The following CSMD1 variants were observed in gnomAD, a reference collection of about 807,000 sequenced individuals.
CSMD1 encodes the protein CUB and sushi domain-containing protein 1.
Under a neutral mutation model 417.5 loss-of-function variants are expected in CSMD1, and 213 were observed. That is an observed-to-expected ratio of 0.51 (90% CI 0.46 to 0.57). The LOEUF (loss-of-function observed/expected upper bound fraction) is 0.57, where lower values mean the gene tolerates loss of function less well. Ranked by LOEUF, CSMD1 falls within the 20% of genes least tolerant of loss-of-function variation. CSMD1 has a pLI of 0.00. For synonymous variants in CSMD1, 2,862 were observed against 1,736.8 expected, an observed-to-expected ratio of 1.65 and a Z score of -16.11; for missense variants, 6,923 against 4,529.7, an observed-to-expected ratio of 1.53 and a Z score of -15.17.
At chr8:3,864,525 T>G (rs1029068172) in intron 5 of CSMD1, among the ~76,000 whole-genome samples, 1 of 152,180 alleles carries the variant, frequency 6.6e-6, no homozygotes, top group African/African-American at 2.4e-5. Context: ...CGTGCAGGTT[T>G]GTTACATATG....
At chr8:3,100,362 G>C (rs921725572) in intron 46 of CSMD1, among the ~76,000 whole-genome samples, 1 of 152,210 alleles carries the variant, frequency 6.6e-6, no homozygotes, top group African/African-American at 2.4e-5. Context: ...ATGAGCGAAA[G>C]TGATTTGTTT....
intron 2 of CSMD1, among the ~76,000 whole-genome samples, chr8:4,577,786 G>T (rs59222770): frequency 1.3e-5 from 2 of 152,128 alleles, no homozygotes; most frequent in Non-Finnish European, 2.9e-5. Context: ...AGCTCATTGA[G>T]AATAAAAAAG....
At chr8:4,216,116 G>T (rs1391738360) in intron 3 of CSMD1, among the ~76,000 whole-genome samples, 1 of 152,062 alleles carries the variant, frequency 6.6e-6, no homozygotes, top group Non-Finnish European at 1.5e-5. Context: ...TCTCAATCTG[G>T]CTGCCACCTG....
rs541127422 is a variant in CSMD1, at chr8:4,966,500, C to T, written c.85+27832G>A. Among the ~76,000 whole-genome samples the T allele has an allele frequency of 7.2e-5, 11 of 152,254 alleles. No homozygotes were observed. In the East Asian group the frequency reaches 2.1e-3, roughly 29 times the overall value. On this transcript the variant is annotated intron_variant, in intron 1 of 69. Transcript: ENST00000635120. The stretch of plus-strand genomic sequence containing the variant: ...TCTCAATGGGACACATCGCGAGGCC[C>T]TTAAGGGGCTGCAGACATCTGAAAC...
intron 3 of CSMD1, among the ~76,000 whole-genome samples, chr8:4,250,266 C>G (rs1027809608): frequency 7.2e-5 from 11 of 152,170 alleles, no homozygotes; most frequent in African/African-American, 2.7e-4. Context: ...CAAAAAGCCT[C>G]TCTAGTGATA....
chr8:3,714,396 A>G (rs1257892926), intron 6 of CSMD1, among the ~76,000 whole-genome samples: 2 of 150,726 alleles, frequency 1.3e-5, no homozygotes, highest in African/African-American at 2.4e-5. Flanking sequence ...ATTCCATCAT[A>G]TATATTAACT....
At chr8:3,512,744 G>A (rs1315913506) in intron 10 of CSMD1, among the ~76,000 whole-genome samples, 2 of 151,768 alleles carry the variant, frequency 1.3e-5, no homozygotes, top group African/African-American at 4.8e-5. Flanking sequence ...AAGTAGCTGG[G>A]ACTATAGGTG....
intron 42 of CSMD1, chr8:3,113,398 G>A (rs1217190807): frequency 6.6e-6 from 1 of 152,264 alleles, no homozygotes; most frequent in African/African-American, 2.4e-5. Flanking sequence ...GCGTTGCTGG[G>A]CAAGACAGTG....
chr8:4,073,535 G>C (rs1465758660), intron 3 of CSMD1, among the ~76,000 whole-genome samples: 2 of 152,094 alleles, frequency 1.3e-5, no homozygotes, highest in South Asian at 2.1e-4. Context: ...CTTAGTGCCA[G>C]ATGGCATAAA....
chr8:4,373,945 G>T (rs1165691117), intron 3 of CSMD1, among the ~76,000 whole-genome samples: 1 of 152,258 alleles, frequency 6.6e-6, no homozygotes, highest in Non-Finnish European at 1.5e-5. Flanking sequence ...GAAGACTTTA[G>T]TGTCTCTACT....
At chr8:4,540,378 A>G (rs1448607876) in intron 2 of CSMD1, among the ~76,000 whole-genome samples, 2 of 152,150 alleles carry the variant, frequency 1.3e-5, no homozygotes, top group African/African-American at 2.4e-5. Flanking sequence ...AATAAGCATG[A>G]AAATTAAAAA....
intron 3 of CSMD1, among the ~76,000 whole-genome samples, chr8:4,067,888 C>T (rs139425965): frequency 6.6e-6 from 1 of 152,026 alleles, no homozygotes; most frequent in East Asian, 1.9e-4. Flanking sequence ...ACCATCCTGG[C>T]CAACATGATG....
intron 5 of CSMD1, among the ~76,000 whole-genome samples, chr8:3,803,500 G>T: frequency 6.6e-6 from 1 of 152,130 alleles, no homozygotes; most frequent in East Asian, 1.9e-4. Context: ...AACAAGAAGA[G>T]CCCATGCACA....
intron 3 of CSMD1, among the ~76,000 whole-genome samples, chr8:4,257,610 T>A (rs1803553618): frequency 6.6e-6 from 1 of 152,194 alleles, no homozygotes; most frequent in Non-Finnish European, 1.5e-5. Context: ...GAAAATTTGG[T>A]GAAAAGTTTG....
intron 5 of CSMD1, among the ~76,000 whole-genome samples, chr8:3,901,473 A>T (rs2129133824): frequency 6.6e-6 from 1 of 152,338 alleles, no homozygotes; most frequent in African/African-American, 2.4e-5. Flanking sequence ...TCCACTTGAT[A>T]GATCTCACAC....
chr8:4,626,897 T>C (rs1044813279), intron 2 of CSMD1, among the ~76,000 whole-genome samples: 10 of 152,176 alleles, frequency 6.6e-5, no homozygotes, highest in Non-Finnish European at 1.2e-4. Context: ...CCTTTTCGAT[T>C]CTTTATTATT....
In CSMD1 at chr8:3,625,881, A is replaced by T. The variant is rs1760080016; in HGVS notation, c.1010-9084T>A. On this transcript the variant is annotated intron_variant, in intron 7 of 69. Coordinates refer to ENST00000635120, the MANE Select transcript of CSMD1 (RefSeq NM_033225.6). ...TTTCATAAGGGCTCAGATATTAACA[A>T]TTATCTTTCCAACTGATATATCACG... 3.3e-5 allele frequency among the ~76,000 whole-genome samples: 5 copies of T among 152,318 alleles called. No homozygotes were observed. In the South Asian group the frequency reaches 1.0e-3, roughly 32 times the overall value.
chr8:3,565,131 C>CAAAAAAAAAAAAAAAAAAAAAAAAA (rs869248314), intron 10 of CSMD1, among the ~76,000 whole-genome samples: 4 of 10,448 alleles, frequency 3.8e-4, no homozygotes, highest in South Asian at 7.2e-3. Flanking sequence ...TGCAAGACAG[C>CAAAAAAAAAAAAAAAAAAAAAAAAA]AAAAAAAAAA....
At chr8:4,371,501 G>T (rs1802394829) in intron 3 of CSMD1, among the ~76,000 whole-genome samples, 2 of 152,170 alleles carry the variant, frequency 1.3e-5, no homozygotes, top group African/African-American at 2.4e-5. Context: ...TTCAATATTA[G>T]ATATGGGATA....
Sources: gnomAD v4.1 joint callset for allele counts (sites outside exome capture counted in the v4.1 genomes callset) on GRCh38, gnomAD v4.1.1 for gene constraint, MANE v1.5 for transcripts, NCBI Gene and HGNC (gene_info 2026-07-23, HGNC 2026-07-21) for gene names.